The following PRKCE variants were observed in gnomAD, a reference collection of about 807,000 sequenced individuals.
The protein encoded by PRKCE is protein kinase C epsilon, also known as protein kinase C epsilon type.
A neutral mutation model predicts 85.4 loss-of-function variants in PRKCE; 16 were observed. The ratio of observed to expected loss-of-function variants is 0.19; its 90% confidence interval spans 0.13 to 0.28. The LOEUF (loss-of-function observed/expected upper bound fraction) is 0.28, where lower values mean the gene tolerates loss of function less well. Ranked by LOEUF, PRKCE falls within the 10% of genes least tolerant of loss-of-function variation. PRKCE has a pLI of 1.00. For missense variants in PRKCE, 573 were observed against 975.2 expected (o/e 0.59, Z 5.49); for synonymous variants, 388 against 371.5 (o/e 1.04, Z -0.51).
chr2:45,684,427 A>C (rs1306113386), intron 1 of PRKCE, among the ~76,000 whole-genome samples: 1 of 152,220 alleles, frequency 6.6e-6, no homozygotes, highest in Non-Finnish European at 1.5e-5. Context: ...GCTTTCAGAT[A>C]TCTGACCTAG....
At chr2:45,666,574 G>A (rs1675921797) in intron 1 of PRKCE, among the ~76,000 whole-genome samples, 1 of 151,758 alleles carries the variant, frequency 6.6e-6, no homozygotes, top group Non-Finnish European at 1.5e-5. Flanking sequence ...CCATCCCTGG[G>A]ATACTCTAAC....
chr2:45,653,061 A>C (rs1292290427), intron 1 of PRKCE, among the ~76,000 whole-genome samples: 2 of 152,156 alleles, frequency 1.3e-5, no homozygotes, highest in Non-Finnish European at 2.9e-5. Flanking sequence ...TGTCCAATTC[A>C]TTGCCCATCC....
intron 14 of PRKCE, among the ~76,000 whole-genome samples, chr2:46,169,109 T>G (rs1406626931): frequency 2.6e-5 from 4 of 151,874 alleles, no homozygotes; most frequent in African/African-American, 9.7e-5. Context: ...ACTGGGGGGG[T>G]GTGTTCTGCC....
chr2:45,755,823 C>T (rs1683956998), intron 1 of PRKCE, among the ~76,000 whole-genome samples: 1 of 152,156 alleles, frequency 6.6e-6, no homozygotes, highest in South Asian at 2.1e-4. Context: ...CAGACAGGGG[C>T]TGTCAAGTTC....
intron 10 of PRKCE, among the ~76,000 whole-genome samples, chr2:46,034,585 G>A (rs1707740514): frequency 6.6e-6 from 1 of 152,106 alleles, no homozygotes; most frequent in African/African-American, 2.4e-5. Flanking sequence ...CACATCTAAG[G>A]ACACCACAGT....
chr2:45,683,565 C>A (rs1176674408), intron 1 of PRKCE, among the ~76,000 whole-genome samples: 1 of 152,166 alleles, frequency 6.6e-6, no homozygotes, highest in Non-Finnish European at 1.5e-5. Context: ...TCTCAAGTAC[C>A]TTTGCTTCTA....
intron 11 of PRKCE, among the ~76,000 whole-genome samples, chr2:46,133,272 G>A (rs1674642779): frequency 6.6e-6 from 1 of 152,160 alleles, no homozygotes; most frequent in South Asian, 2.1e-4. Context: ...GTGCTGGCTG[G>A]ACTTGGAGCT....
At chr2:45,967,287 G>A (rs907641985) in intron 2 of PRKCE, among the ~76,000 whole-genome samples, 4 of 152,192 alleles carry the variant, frequency 2.6e-5, no homozygotes, top group Non-Finnish European at 5.9e-5. Context: ...GATGGCAGGT[G>A]AAATTCAACA....
At chr2:45,726,618 C>G (rs905072328) in intron 1 of PRKCE, among the ~76,000 whole-genome samples, 3 of 152,150 alleles carry the variant, frequency 2.0e-5, no homozygotes, top group African/African-American at 7.2e-5. Flanking sequence ...CACTGGGAAA[C>G]AAAATATTTT....
intron 1 of PRKCE, among the ~76,000 whole-genome samples, chr2:45,656,480 A>T (rs1675386334): frequency 6.6e-6 from 1 of 152,270 alleles, no homozygotes; most frequent in Admixed American, 6.5e-5. Flanking sequence ...GAGAAAGCTC[A>T]TTACAAAGAG....
At chr2:46,070,813 C>T (rs1263675948) in intron 10 of PRKCE, among the ~76,000 whole-genome samples, 1 of 152,156 alleles carries the variant, frequency 6.6e-6, no homozygotes, top group Non-Finnish European at 1.5e-5. Flanking sequence ...AAGTCAACTC[C>T]TCTGAGCCTC....
intron 2 of PRKCE, among the ~76,000 whole-genome samples, chr2:45,962,851 G>T (rs907498565): frequency 9.2e-5 from 14 of 152,126 alleles, no homozygotes; most frequent in Admixed American, 5.2e-4. Context: ...GTTCGATTCT[G>T]GGATGCTTTC....
chr2:45,875,773 A>G (rs542907012), intron 2 of PRKCE, among the ~76,000 whole-genome samples: 1 of 152,368 alleles, frequency 6.6e-6, no homozygotes, highest in African/African-American at 2.4e-5. Context: ...AAGGGGCTCC[A>G]GCAGTGCTTG....
chr2:45,881,020 G>C (rs2105810141), intron 2 of PRKCE, among the ~76,000 whole-genome samples: 1 of 151,422 alleles, frequency 6.6e-6, no homozygotes, highest in Non-Finnish European at 1.5e-5. Context: ...GGGCGTAGTG[G>C]CGGGCGCCTG....
chr2:46,147,824 T>C (rs1393134280), intron 12 of PRKCE, among the ~76,000 whole-genome samples: 1 of 152,226 alleles, frequency 6.6e-6, no homozygotes, highest in Admixed American at 6.5e-5. Context: ...AATTGAGTCT[T>C]GAGTCCAGAT....
At chr2:45,844,099 G>A (rs1376754906) in intron 2 of PRKCE, among the ~76,000 whole-genome samples, 1 of 152,212 alleles carries the variant, frequency 6.6e-6, no homozygotes, top group Non-Finnish European at 1.5e-5. Flanking sequence ...ATAGAAGGAA[G>A]GATTACATAT....
Position 45,918,770 on chromosome 2 carries a change from A to AG in PRKCE, c.413-57652dup, listed in dbSNP as rs781522325. 1.7e-4 allele frequency among the ~76,000 whole-genome samples: 26 copies of AG among 151,772 alleles called. No individual in the cohort carries two copies. The East Asian group carries it at 3.7e-3, about 22-fold the overall frequency. On this transcript the variant is annotated intron_variant, in intron 2 of 14. Transcript: ENST00000306156. ...AGGCACCGCAGGGCTGAGGTTGGCG[A>AG]GGGGGGGAATGGGAAGGGAGGGGAG...
At chr2:45,988,271 C>T (rs992714804) in intron 6 of PRKCE, among the ~76,000 whole-genome samples, 3 of 152,152 alleles carry the variant, frequency 2.0e-5, no homozygotes, top group Non-Finnish European at 4.4e-5. Flanking sequence ...GTATTTTCAG[C>T]AAAACAGGTT....
At chr2:45,667,967 TCATCTGTAAA>T (rs1380494052) in intron 1 of PRKCE, among the ~76,000 whole-genome samples, 1 of 152,184 alleles carries the variant, frequency 6.6e-6, no homozygotes, top group Non-Finnish European at 1.5e-5. Flanking sequence ...TGAGGTTTCT[TCATCTGTAAA>T]ACTAAGTCAG....
Sources: gnomAD v4.1 joint callset for allele counts (sites outside exome capture counted in the v4.1 genomes callset) on GRCh38, gnomAD v4.1.1 for gene constraint, MANE v1.5 for transcripts, NCBI Gene and HGNC (gene_info 2026-07-23, HGNC 2026-07-21) for gene names.